The following EPB41L4A variants were observed in gnomAD, a reference collection of about 807,000 sequenced individuals.
The protein encoded by EPB41L4A is band 4.1-like protein 4A.
Under a neutral mutation model 108.6 loss-of-function variants are expected in EPB41L4A, and 100 were observed. The observed-to-expected ratio is 0.92, with a 90% CI of 0.78 to 1.09. The LOEUF (loss-of-function observed/expected upper bound fraction) is 1.09, where lower values mean the gene tolerates loss of function less well. EPB41L4A is among the 50% of genes least tolerant of loss of function. The probability of loss-of-function intolerance (pLI) is 0.00; values close to 1 mark genes in which losing one functional copy is unlikely to be tolerated. For synonymous variants in EPB41L4A, 319 were observed against 289.0 expected (o/e 1.10, Z -1.05); for missense variants, 1,030 against 842.7 (o/e 1.22, Z -2.75).
intron 1 of EPB41L4A, among the ~76,000 whole-genome samples, chr5:112,358,223 T>C (rs1014471394): frequency 6.6e-6 from 1 of 152,226 alleles, no homozygotes; most frequent in African/African-American, 2.4e-5. Context: ...GATTTGTCCT[T>C]ACTGTATATG....
At chr5:112,288,067 G>T (rs565723140) in intron 2 of EPB41L4A, among the ~76,000 whole-genome samples, 1 of 152,314 alleles carries the variant, frequency 6.6e-6, no homozygotes, top group African/African-American at 2.4e-5. Context: ...GGCAAAGAAT[G>T]AATCCAGCAT....
intron 12 of EPB41L4A, among the ~76,000 whole-genome samples, chr5:112,223,154 G>A (rs980596847): frequency 1.3e-5 from 2 of 151,962 alleles, no homozygotes; most frequent in African/African-American, 4.8e-5. Flanking sequence ...TGGCCAGGCT[G>A]GTCTTGAACT....
At chr5:112,385,147 A>G (rs1760427480) in intron 1 of EPB41L4A, among the ~76,000 whole-genome samples, 1 of 152,172 alleles carries the variant, frequency 6.6e-6, no homozygotes, top group Non-Finnish European at 1.5e-5. Flanking sequence ...CAGCCTGACA[A>G]TGTGACCCCG....
At chr5:112,161,668 A>T (rs1759915289), downstream of EPB41L4A, 1 of 513,892 alleles carries the variant, frequency 1.9e-6, no homozygotes, top group South Asian at 1.4e-5. Flanking sequence ...CCTTAAGTGT[A>T]TGGTTTCTCT....
chr5:112,203,799 TG>T (rs1273087219), intron 15 of EPB41L4A, among the ~76,000 whole-genome samples: 1 of 152,118 alleles, frequency 6.6e-6, no homozygotes, highest in Non-Finnish European at 1.5e-5. Flanking sequence ...CCCAGCACTT[TG>T]GGAGGCCGAG....
chr5:112,163,132 TATTGTTG>T lies in EPB41L4A; in HGVS notation c.*1851_*1857del, dbSNP rs1465594852. 6.6e-6 allele frequency: 1 copy of T among 152,210 alleles called. No individual in the cohort carries two copies. The highest frequency in any genetic ancestry group is 2.4e-5 in the African/African-American group (1 of 41,436). 9.4% of individuals were successfully genotyped at this position (152,210 alleles called of 1,614,324 possible). ...GAAAAGGTAGTTGAACTAGGTTGCTTATTGTTGTCTAGACAAGAGACCAGCTTGGACT... is the reference window on the plus strand; with the variant it reads ...GAAAAGGTAGTTGAACTAGGTTGCTTTCTAGACAAGAGACCAGCTTGGACT... On this transcript the variant is annotated 3_prime_UTR_variant, in exon 23 of 23. Transcript: ENST00000261486.
Position 112,234,665 on chromosome 5 carries a change from G to GT in EPB41L4A, c.1055dup (p.Tyr352Ter). Residue 352 changes from tyrosine (Y) to a stop codon, truncating the protein, a stop_gained and frameshift_variant, in exon 12 of 23, where the codon TAC (tyrosine) becomes TAAC (stop). Coordinates refer to ENST00000261486, the MANE Select transcript of EPB41L4A (RefSeq NM_022140.5). LOFTEE classifies it high-confidence loss of function. ...QNVTRSRSKT[Y>*]PKRIAQTQPA... ...GCTGTGTTTGTGCTATTCGCTTAGG[G>GT]TAAGTCTTGCTTCGACTTCTTGTCA... 6.2e-7 allele frequency: 1 copy of GT among 1,613,590 alleles called. No homozygotes were observed. Among genetic ancestry groups the GT allele is most frequent in the Admixed American group, 1.7e-5 (1 of 60,010 alleles).
chr5:112,261,916 G>A (rs899004047), intron 7 of EPB41L4A, among the ~76,000 whole-genome samples: 3 of 141,256 alleles, frequency 2.1e-5, no homozygotes, highest in Non-Finnish European at 3.0e-5. Flanking sequence ...TTGAGATGGG[G>A]TCTTGCTCTG....
At chr5:112,375,563 C>G (rs188145940) in intron 1 of EPB41L4A, among the ~76,000 whole-genome samples, 56 of 152,204 alleles carry the variant, frequency 3.7e-4, no homozygotes, top group Non-Finnish European at 5.3e-4. Context: ...GCTTTTAATG[C>G]AGCCATGATA....
At chr5:112,313,194 T>C (rs1755160783) in intron 1 of EPB41L4A, among the ~76,000 whole-genome samples, 1 of 152,132 alleles carries the variant, frequency 6.6e-6, no homozygotes, top group African/African-American at 2.4e-5. Flanking sequence ...CCTATTAGAA[T>C]CCCTGAGAAG....
At chr5:112,194,672 G>A (rs772199027) in intron 16 of EPB41L4A, 27 bp from the exon 17 acceptor site, 10 of 1,517,038 alleles carry the variant, frequency 6.6e-6, no homozygotes, top group Admixed American at 3.9e-5. Context: ...AAGAACAAAA[G>A]AAAAAACACA....
intron 1 of EPB41L4A, among the ~76,000 whole-genome samples, chr5:112,323,154 C>T (rs772452601): frequency 7.2e-5 from 11 of 151,998 alleles, no homozygotes; most frequent in South Asian, 2.1e-4. Flanking sequence ...ACAAAACATG[C>T]AGATAACAGG....
At chr5:112,395,717 A>G (rs1055298948) in intron 1 of EPB41L4A, among the ~76,000 whole-genome samples, 1 of 152,176 alleles carries the variant, frequency 6.6e-6, no homozygotes, top group African/African-American at 2.4e-5. Context: ...AACTAGAAAT[A>G]CCATTTGACC....
At chr5:112,373,980 G>A (rs999601016) in intron 1 of EPB41L4A, among the ~76,000 whole-genome samples, 20 of 152,156 alleles carry the variant, frequency 1.3e-4, no homozygotes, top group Admixed American at 2.6e-4. Flanking sequence ...TCATGAATAC[G>A]TGGTAAAAGA....
intron 2 of EPB41L4A, among the ~76,000 whole-genome samples, chr5:112,288,101 C>G (rs1753403711): frequency 6.6e-6 from 1 of 152,190 alleles, no homozygotes; most frequent in Admixed American, 6.5e-5. Flanking sequence ...CATGCTATAA[C>G]TGTAAAATCC....
At chr5:112,346,959 C>T (rs1034843093) in intron 1 of EPB41L4A, among the ~76,000 whole-genome samples, 3 of 152,102 alleles carry the variant, frequency 2.0e-5, no homozygotes. Context: ...GGAGTAGGCG[C>T]CCAATATTTA....
At chr5:112,332,522 T>C (rs933455338) in intron 1 of EPB41L4A, among the ~76,000 whole-genome samples, 1 of 152,192 alleles carries the variant, frequency 6.6e-6, no homozygotes, top group African/African-American at 2.4e-5. Context: ...ATGGCACCAA[T>C]GCTCCTGAAT....
At chr5:112,161,257 A>C, downstream of EPB41L4A, 1 of 311,764 alleles carries the variant, frequency 3.2e-6, no homozygotes. Flanking sequence ...AGCTGTTTCC[A>C]CGTGCGGTGC....
At chr5:112,360,901 TGAG>T (rs1346981954) in intron 1 of EPB41L4A, among the ~76,000 whole-genome samples, 1 of 151,364 alleles carries the variant, frequency 6.6e-6, no homozygotes, top group Non-Finnish European at 1.5e-5. Context: ...GTCTGGGAAA[TGAG>T]GAGTGTCTCT....
Sources: allele counts gnomAD v4.1 joint callset (sites outside exome capture counted in the v4.1 genomes callset), GRCh38; gene constraint gnomAD v4.1.1; transcripts MANE v1.5; gene names NCBI Gene and HGNC (gene_info 2026-07-23, HGNC 2026-07-21).